Variants in TTC9C observed in about 807,000 individuals in gnomAD.
TTC9C encodes tetratricopeptide repeat domain 9C, also known as tetratricopeptide repeat protein 9C.
In TTC9C, 15 loss-of-function variants were observed where a neutral mutation model predicts 22.5. That is an observed-to-expected ratio of 0.67 (90% CI 0.45 to 1.03). The LOEUF is 1.03. Among genes scored for constraint, TTC9C ranks in the 50% least tolerant of loss-of-function variants. TTC9C has a pLI of 0.00. For missense variants in TTC9C, 244 were observed against 214.6 expected (o/e 1.14, Z -0.86); for synonymous variants, 92 against 86.8 (o/e 1.06, Z -0.33).
chr11:62,729,261 G>C (rs1321915474), intron 1 of TTC9C, among the ~76,000 whole-genome samples, 175 bp downstream of exon 1: 4 of 152,058 alleles, frequency 2.6e-5, no homozygotes, highest in African/African-American at 4.8e-5. Flanking sequence ...CCATAGAGCA[G>C]GGCTTCTCAG....
chr11:62,735,547 T>C lies in TTC9C; in HGVS notation c.404T>C (p.Val135Ala), dbSNP rs1253701764. The C allele has an allele frequency of 1.9e-6, 3 of 1,613,194 alleles. No homozygotes were observed. Among genetic ancestry groups the C allele is most frequent in the Non-Finnish European group, 2.5e-6 (3 of 1,179,508 alleles). The stretch of plus-strand genomic sequence containing the variant: ...GCCCGCCACTACCTCCTGGCTGCCG[T>C]GAATAGGCAGCCTAAAGGTAAGCAA... ...DQARHYLLAA[V>A]NRQPKDANVR... The change falls in exon 2 of 3, where the codon GTG becomes GCG. Residue 135 changes from valine to alanine, a missense_variant. Physicochemically the swap from Val to Ala is moderately conservative, Grantham distance 64 (BLOSUM62 0). Transcript: ENST00000316461.
chr11:62,735,860 C>T (rs2083905486), intron 2 of TTC9C: 1 of 187,700 alleles, frequency 5.3e-6, no homozygotes, highest in African/African-American at 2.4e-5. Flanking sequence ...TATGCCTATT[C>T]TAATATATAA....
At position 62,734,097 on chromosome 11, in the gene TTC9C, A is replaced by C. The variant is rs942905970; in HGVS notation, c.239-1285A>C. On this transcript the variant is annotated intron_variant, in intron 1 of 2. Coordinates refer to ENST00000316461, the MANE Select transcript of TTC9C (RefSeq NM_173810.4). ...GCGAATCACCTGAGGTCAGGAGTTC[A>C]AGACAAGCCTGGCCAACATGGCGAA... Among the ~76,000 whole-genome samples, 11 of 151,788 alleles carry C rather than the reference A, an allele frequency of 7.2e-5. No homozygotes were observed. The East Asian group carries it at 2.1e-3, about 29-fold the overall frequency.
intron 2 of TTC9C, among the ~76,000 whole-genome samples, chr11:62,736,395 C>G (rs2730030): frequency 0.02 from 3,047 of 151,500 alleles, 105 homozygotes; most frequent in African/African-American, 0.069. Flanking sequence ...AATAAAAATA[C>G]AAAAATCAGC....
At chr11:62,734,674 G>A (rs967693648) in intron 1 of TTC9C, among the ~76,000 whole-genome samples, 12 of 152,064 alleles carry the variant, frequency 7.9e-5, no homozygotes, top group African/African-American at 2.9e-4. Flanking sequence ...GACAGGGGAG[G>A]GTCTCACTAT....
Position 62,736,591 on chromosome 11 carries a change from G to A in TTC9C, c.421+1027G>A, listed in dbSNP as rs571855573. 8.5e-5 allele frequency among the ~76,000 whole-genome samples: 13 copies of A among 152,056 alleles called. 1 individual carries two copies. The highest frequency in any genetic ancestry group is 2.9e-4 in the African/African-American group (12 of 41,488). On this transcript the variant is annotated intron_variant, in intron 2 of 2. Coordinates refer to ENST00000316461, the MANE Select transcript of TTC9C (RefSeq NM_173810.4). ...GGCCTGTAGTCCCAGGTACTCAGGAGGCTGAGGTAGGAGAATGGCATGAAC... is the reference window on the plus strand; with the variant it reads ...GGCCTGTAGTCCCAGGTACTCAGGAAGCTGAGGTAGGAGAATGGCATGAAC...
At chr11:62,729,764 C>T (rs1222744003) in intron 1 of TTC9C, among the ~76,000 whole-genome samples, 1 of 151,766 alleles carries the variant, frequency 6.6e-6, no homozygotes, top group Non-Finnish European at 1.5e-5. Flanking sequence ...TTAGTAGAGA[C>T]GGGGTTTCAT....
upstream of TTC9C, chr11:62,728,368 T>A: frequency 5.5e-6 from 2 of 365,894 alleles, no homozygotes; most frequent in South Asian, 4.0e-5. Context: ...AAATAAATGT[T>A]GAATAAGGAA....
intron 2 of TTC9C, 50 bp downstream of exon 2, chr11:62,735,614 G>A: frequency 3.2e-6 from 5 of 1,538,542 alleles, no homozygotes; most frequent in Non-Finnish European, 4.4e-6. Flanking sequence ...TCTTGCTGGG[G>A]TGGATCTGTG....
upstream of TTC9C, chr11:62,728,181 T>C (rs769353687): frequency 7.1e-6 from 2 of 281,968 alleles, no homozygotes; most frequent in Non-Finnish European, 1.4e-5. Context: ...TCTGACCCTT[T>C]CCTCTCCTTG....
chr11:62,729,400 T>C (rs2083818011), intron 1 of TTC9C, among the ~76,000 whole-genome samples: 1 of 139,586 alleles, frequency 7.2e-6, no homozygotes, highest in South Asian at 2.3e-4. Flanking sequence ...TTATTTTATT[T>C]TATTTTATTT....
intron 2 of TTC9C, among the ~76,000 whole-genome samples, chr11:62,737,807 T>A (rs1184411991): frequency 6.6e-6 from 1 of 151,888 alleles, no homozygotes; most frequent in Non-Finnish European, 1.5e-5. Flanking sequence ...CCAAGGCGGG[T>A]GGATCACGAG....
intron 2 of TTC9C, among the ~76,000 whole-genome samples, chr11:62,736,795 T>A (rs970190912): frequency 8.0e-5 from 12 of 150,234 alleles, no homozygotes; most frequent in Non-Finnish European, 1.6e-4. Context: ...AGGCAGAGGT[T>A]TCGGTGAGCT....
chr11:62,735,432 A>C lies in TTC9C; in HGVS notation c.289A>C (p.Ser97Arg), dbSNP rs1406636285. 6.2e-7 allele frequency: 1 copy of C among 1,614,170 alleles called. No individual in the cohort carries two copies. The highest frequency in any genetic ancestry group is 2.2e-5 in the East Asian group (1 of 44,882). The change falls in exon 2 of 3, where the codon AGT becomes CGT. Residue 97 changes from serine to arginine, a missense_variant. Transcript: ENST00000316461. ...PVNYERVREY[S>R]QKVLERQPDN... ...GAACTACGAACGAGTGAGAGAATATAGTCAGAAAGTCCTGGAACGACAGCC... is the reference window on the plus strand; with the variant it reads ...GAACTACGAACGAGTGAGAGAATATCGTCAGAAAGTCCTGGAACGACAGCC...
intron 1 of TTC9C, among the ~76,000 whole-genome samples, chr11:62,731,217 C>G (rs1345283776): frequency 3.4e-5 from 5 of 148,948 alleles, no homozygotes; most frequent in Admixed American, 1.3e-4. Context: ...CACTTAATGT[C>G]CAAAGTACAT....
In TTC9C at chr11:62,733,132, G is replaced by A. The variant is rs549719675; in HGVS notation, c.239-2250G>A. 12 of 1,288,404 alleles carry A rather than the reference G, an allele frequency of 9.3e-6. No individual in the cohort carries two copies. In the Admixed American group the frequency reaches 2.1e-4, roughly 22 times the overall value. 79.8% of individuals were successfully genotyped at this position (1,288,404 alleles called of 1,614,324 possible). A position where few individuals can be genotyped will look rare whatever the true frequency, so the allele number is the denominator to read the frequency against. ...AATTCCCACAGTTGTGAAATAGGGA[G>A]TGTTTCCCTTCTTAATCATAAAAAG... On this transcript the variant is annotated intron_variant, in intron 1 of 2. Transcript: ENST00000316461.
chr11:62,729,409 T>TTTAC, intron 1 of TTC9C, among the ~76,000 whole-genome samples: 1 of 97,740 alleles, frequency 1.0e-5, no homozygotes, highest in South Asian at 3.2e-4. Flanking sequence ...TTTATTTTAT[T>TTTAC]TTTTTTTGAG....
At chr11:62,732,470 C>T (rs879822065) in intron 1 of TTC9C, among the ~76,000 whole-genome samples, 9 of 151,938 alleles carry the variant, frequency 5.9e-5, no homozygotes, top group South Asian at 2.1e-4. Context: ...ATTAGCCAGG[C>T]GTGGTGGTGC....
At chr11:62,730,582 A>T (rs1032368523) in intron 1 of TTC9C, among the ~76,000 whole-genome samples, 20 of 150,544 alleles carry the variant, frequency 1.3e-4, no homozygotes, top group Non-Finnish European at 2.2e-4. Flanking sequence ...TAGCTCTTTT[A>T]TTTTTTTTGA....
Sources: gnomAD v4.1 joint callset for allele counts (sites outside exome capture counted in the v4.1 genomes callset) on GRCh38, gnomAD v4.1.1 for gene constraint, MANE v1.5 for transcripts, NCBI Gene and HGNC (gene_info 2026-07-23, HGNC 2026-07-21) for gene names.